POFUT3: variants seen among roughly 807,000 people sequenced by gnomAD.
POFUT3 encodes the protein protein O-fucosyltransferase 3.
the POFUT3 span, among the ~76,000 whole-genome samples, chr8:33,364,819 C>T: frequency 1.2e-4 from 18 of 152,170 alleles, no homozygotes; most frequent in Non-Finnish European, 1.6e-4. Flanking sequence ...GAATCAATAG[C>T]GTGAAAATGG....
At chr8:33,440,621 CA>C in the POFUT3 span, among the ~76,000 whole-genome samples, 1 of 152,046 alleles carries the variant, frequency 6.6e-6, no homozygotes. Flanking sequence ...ATGATTTCTT[CA>C]AAAAAATGGA....
chr8:33,311,837 A>T, the POFUT3 span, among the ~76,000 whole-genome samples: 1 of 152,172 alleles, frequency 6.6e-6, no homozygotes, highest in Non-Finnish European at 1.5e-5. Context: ...TCCCAAAAAT[A>T]TGTTCAAGTC....
At chr8:33,331,391 AAG>A in the POFUT3 span, among the ~76,000 whole-genome samples, 227 of 152,270 alleles carry the variant, frequency 1.5e-3, no homozygotes, top group African/African-American at 5.1e-3. Context: ...AAAGTAGAGA[AAG>A]AGTGATGGAT....
At chr8:33,309,403 CA>C in the POFUT3 span, among the ~76,000 whole-genome samples, 1 of 148,170 alleles carries the variant, frequency 6.7e-6, no homozygotes, top group Non-Finnish European at 1.5e-5. Flanking sequence ...GTCTTCCGCA[CA>C]AAACAGTCAC....
At chr8:33,353,904 C>T in the POFUT3 span, among the ~76,000 whole-genome samples, 1 of 152,110 alleles carries the variant, frequency 6.6e-6, no homozygotes, top group Admixed American at 6.6e-5. Flanking sequence ...GGTAAAGAAA[C>T]CAATAGAAAG....
At chr8:33,463,859 T>C in the POFUT3 span, among the ~76,000 whole-genome samples, 6 of 152,180 alleles carry the variant, frequency 3.9e-5, no homozygotes, top group South Asian at 2.1e-4. Context: ...GCCTTACTTT[T>C]AAATCCAGGA....
the POFUT3 span, among the ~76,000 whole-genome samples, chr8:33,394,582 A>G: frequency 3.4e-4 from 51 of 152,004 alleles, 1 homozygote; most frequent in South Asian, 0.01. Context: ...TCACATTTAT[A>G]TTTTTCGTGG....
the POFUT3 span, among the ~76,000 whole-genome samples, chr8:33,426,623 T>A: frequency 1.3e-5 from 2 of 152,236 alleles, no homozygotes; most frequent in African/African-American, 4.8e-5. Flanking sequence ...CAATCCGATC[T>A]AAGGCAAAAC....
At chr8:33,389,274 C>A in the POFUT3 span, 1 of 1,614,096 alleles carries the variant, frequency 6.2e-7, no homozygotes, top group African/African-American at 1.3e-5. Flanking sequence ...ACAGGGACTA[C>A]CCCCAGTTTC....
the POFUT3 span, among the ~76,000 whole-genome samples, chr8:33,335,151 ATGTGTGTG>A: frequency 3.3e-4 from 48 of 145,874 alleles, 1 homozygote; most frequent in African/African-American, 1.1e-3. Context: ...AAAGAAATAT[ATGTGTGTG>A]TGTGTGTGTG....
the POFUT3 span, among the ~76,000 whole-genome samples, chr8:33,336,311 G>A: frequency 2.0e-5 from 3 of 152,146 alleles, no homozygotes; most frequent in South Asian, 4.2e-4. Flanking sequence ...CCACCCTAAG[G>A]CATTTCCACC....
chr8:33,401,389 C>T, the POFUT3 span, among the ~76,000 whole-genome samples: 3 of 152,182 alleles, frequency 2.0e-5, no homozygotes, highest in African/African-American at 7.2e-5. Context: ...CAACCCAGTT[C>T]ATGTCCATGC....
chr8:33,470,236 C>CAAAAAAAAAAAAAA, the POFUT3 span, among the ~76,000 whole-genome samples: 17 of 89,060 alleles, frequency 1.9e-4, no homozygotes, highest in African/African-American at 5.9e-4. Context: ...CCCATCTCTA[C>CAAAAAAAAAAAAAA]AAAAAAAAAA....
chr8:33,412,644 T>A, the POFUT3 span, among the ~76,000 whole-genome samples: 1 of 152,194 alleles, frequency 6.6e-6, no homozygotes, highest in African/African-American at 2.4e-5. Flanking sequence ...TTATTGTTGT[T>A]TGAGACAGAG....
the POFUT3 span, among the ~76,000 whole-genome samples, chr8:33,360,395 G>C: frequency 6.6e-6 from 1 of 151,890 alleles, no homozygotes. Flanking sequence ...GCAGTGAGCC[G>C]AGATGGTGCC....
chr8:33,387,748 G>A, the POFUT3 span, among the ~76,000 whole-genome samples: 11 of 152,126 alleles, frequency 7.2e-5, no homozygotes, highest in Non-Finnish European at 1.5e-5. Context: ...AGGTTGCAGT[G>A]AGCTGAGATG....
chr8:33,429,177 T>C, the POFUT3 span, among the ~76,000 whole-genome samples: 1 of 152,206 alleles, frequency 6.6e-6, no homozygotes, highest in Non-Finnish European at 1.5e-5. Context: ...TATTAAGTAA[T>C]GATGCCAATG....
At chr8:33,368,746 C>T in the POFUT3 span, among the ~76,000 whole-genome samples, 1 of 152,166 alleles carries the variant, frequency 6.6e-6, no homozygotes, top group African/African-American at 2.4e-5. Flanking sequence ...TGCTCAGATC[C>T]AGCTTATACA....
chr8:33,405,567 A>T, the POFUT3 span, among the ~76,000 whole-genome samples: 2 of 152,210 alleles, frequency 1.3e-5, no homozygotes, highest in Non-Finnish European at 2.9e-5. Context: ...ATACTAAAGA[A>T]CTCAACTTTT....
Sources: gnomAD v4.1 joint callset for allele counts (sites outside exome capture counted in the v4.1 genomes callset) on GRCh38, gnomAD v4.1.1 for gene constraint, MANE v1.5 for transcripts, NCBI Gene and HGNC (gene_info 2026-07-23, HGNC 2026-07-21) for gene names.